RNF214: variants seen among roughly 807,000 people sequenced by gnomAD.
RNF214 encodes ring finger protein 214.
Under a neutral mutation model 75.9 loss-of-function variants are expected in RNF214, and 25 were observed. The observed-to-expected ratio is 0.33, with a 90% CI of 0.24 to 0.46. The LOEUF (loss-of-function observed/expected upper bound fraction) is 0.46, where lower values mean the gene tolerates loss of function less well. Among genes scored for constraint, RNF214 ranks in the 20% least tolerant of loss-of-function variants. The probability of loss-of-function intolerance (pLI) is 1.00; values close to 1 mark genes in which losing one functional copy is unlikely to be tolerated. For synonymous variants in RNF214, 314 were observed against 308.8 expected (o/e 1.02, Z -0.18); for missense variants, 725 against 857.5 (o/e 0.85, Z 1.93).
In RNF214 at chr11:117,282,140, G is replaced by A. The variant is rs763371632; in HGVS notation, c.1582G>A (p.Ala528Thr). Residue 528 changes from alanine (A) to threonine (T), a missense_variant, in exon 11 of 15, where the codon GCC becomes ACC. Ala to Thr is a moderately conservative substitution (Grantham distance 58). This residue lies in a region of RNF214 where 363 missense variants were observed against 513.0 expected (regional missense o/e 0.71). Coordinates refer to ENST00000300650, the MANE Select transcript of RNF214 (RefSeq NM_207343.4). ...CCCCCACGGTCCACACATGCCCCCT[G>A]CCGCCTCCATCCCACCTCCCCCAGG... ...VSPHGPHMPP[A>T]ASIPPPPGLG... 6 of 1,613,940 alleles carry A rather than the reference G, an allele frequency of 3.7e-6. No individual in the cohort carries two copies. In the Admixed American group the frequency reaches 1.0e-4, roughly 27 times the overall value.
In RNF214 at chr11:117,285,239, T is replaced by C. The variant is rs1173052326; in HGVS notation, c.*88T>C. 1.2e-6 allele frequency: 1 copy of C among 843,974 alleles called. No homozygotes were observed. The highest frequency in any genetic ancestry group is 1.7e-5 in the African/African-American group (1 of 59,470). The allele number at this position is 843,974 out of a possible 1,614,324, so 52.3% of individuals were successfully genotyped here. ...TTTCTAAAACTCTATATTTATACAG[T>C]GACATATACTCATGCCATGTACATT... On this transcript the variant is annotated 3_prime_UTR_variant, in exon 15 of 15. Transcript: ENST00000300650.
At position 117,252,069 on chromosome 11, in the gene RNF214, A is replaced by G. The variant is rs187606205; in HGVS notation, c.959+5121A>G. ...TTTTTAGTAGAGACGAGGTTTCACCATGTTGGCCAGGCTAGTCTTGAACAC... is the reference window on the plus strand; with the variant it reads ...TTTTTAGTAGAGACGAGGTTTCACCGTGTTGGCCAGGCTAGTCTTGAACAC... On this transcript the variant is annotated intron_variant, in intron 6 of 14. Coordinates refer to ENST00000300650, the MANE Select transcript of RNF214 (RefSeq NM_207343.4). Among the ~76,000 whole-genome samples the G allele has an allele frequency of 2.4e-4, 37 of 152,204 alleles. No individual in the cohort carries two copies. In the East Asian group the frequency reaches 7.0e-3, roughly 29 times the overall value.
At chr11:117,261,451 G>A (rs2033659980) in intron 6 of RNF214, among the ~76,000 whole-genome samples, 1 of 151,974 alleles carries the variant, frequency 6.6e-6, no homozygotes, top group African/African-American at 2.4e-5. Flanking sequence ...ATGGTGGCAG[G>A]CGCCTGTAAA....
In RNF214 at chr11:117,281,751, CAG is replaced by C. The variant is rs1008377960; in HGVS notation, c.1335+56_1335+57del. 46 of 1,513,406 alleles carry C rather than the reference CAG, an allele frequency of 3.0e-5. No individual in the cohort carries two copies. The African/African-American group carries it at 5.8e-4, about 19-fold the overall frequency. The allele number at this position is 1,513,406 out of a possible 1,614,324, so 93.7% of individuals were successfully genotyped here. On this transcript the variant is annotated intron_variant, in intron 10 of 14. Coordinates refer to ENST00000300650, the MANE Select transcript of RNF214 (RefSeq NM_207343.4). Reference sequence around the variant, plus strand: ...CACCTTTCTGTGTTGGTAGCAGCAGCAGAGTCTTCTGCGTGTTCTTTTTATGA... The same window carrying C: ...CACCTTTCTGTGTTGGTAGCAGCAGCAGTCTTCTGCGTGTTCTTTTTATGA...
chr11:117,253,036 A>G (rs960492395), intron 6 of RNF214, among the ~76,000 whole-genome samples: 2 of 152,218 alleles, frequency 1.3e-5, no homozygotes, highest in African/African-American at 4.8e-5. Context: ...TTTTAGAAAC[A>G]GGATCTCACT....
chr11:117,275,669 A>AC, intron 6 of RNF214, among the ~76,000 whole-genome samples: 1 of 152,166 alleles, frequency 6.6e-6, no homozygotes, highest in African/African-American at 2.4e-5. Flanking sequence ...GAAACACACA[A>AC]CCCCCCAAGC....
intron 6 of RNF214, among the ~76,000 whole-genome samples, chr11:117,248,313 T>C (rs192076621): frequency 0.013 from 1,962 of 152,308 alleles, 41 homozygotes; most frequent in African/African-American, 0.044. Context: ...CCTGACCTCA[T>C]GATCCGCCTG....
At position 117,277,798 on chromosome 11, in the gene RNF214, C is replaced by T. The variant is rs143770106; in HGVS notation, c.960-2110C>T. Among the ~76,000 whole-genome samples, 309 of 151,468 alleles carry T rather than the reference C, an allele frequency of 2.0e-3. 1 individual carries two copies. Among genetic ancestry groups the T allele is most frequent in the African/African-American group, 7.3e-3 (299 of 41,212 alleles). The stretch of plus-strand genomic sequence containing the variant: ...ACCAGCCTGGCCAACATGGCAAAAC[C>T]CCATCTCTACTAAAAATACAAAAAA... On this transcript the variant is annotated intron_variant, in intron 6 of 14. Coordinates refer to ENST00000300650, the MANE Select transcript of RNF214 (RefSeq NM_207343.4).
chr11:117,265,475 G>A (rs1438765493), intron 6 of RNF214, among the ~76,000 whole-genome samples: 5 of 151,878 alleles, frequency 3.3e-5, no homozygotes, highest in Admixed American at 1.3e-4. Flanking sequence ...GTGCAATGGC[G>A]TGATCTGGGC....
chr11:117,275,770 C>T (rs1265684092), intron 6 of RNF214, among the ~76,000 whole-genome samples: 1 of 152,142 alleles, frequency 6.6e-6, no homozygotes, highest in Non-Finnish European at 1.5e-5. Context: ...ACCAAGACAT[C>T]CCAGGTCCAG....
At position 117,254,175 on chromosome 11, in the gene RNF214, G is replaced by A. The variant is rs1175513404; in HGVS notation, c.959+7227G>A. On this transcript the variant is annotated intron_variant, in intron 6 of 14. Transcript: ENST00000300650. ...GAGACACAAGAATTGCTTAAACCCG[G>A]GAGGTGGAGGTTGCAGTGAGCTGAG... 2.0e-5 allele frequency among the ~76,000 whole-genome samples: 3 copies of A among 152,088 alleles called. No homozygotes were observed. In the East Asian group the frequency reaches 5.8e-4, roughly 29 times the overall value.
intron 6 of RNF214, among the ~76,000 whole-genome samples, chr11:117,267,520 T>A (rs2033820851): frequency 6.6e-6 from 1 of 151,842 alleles, no homozygotes; most frequent in Non-Finnish European, 1.5e-5. Context: ...GAGACCAGTT[T>A]GGGCAACATA....
intron 6 of RNF214, among the ~76,000 whole-genome samples, chr11:117,267,089 A>G (rs2033812631): frequency 6.6e-6 from 1 of 151,812 alleles, no homozygotes; most frequent in Non-Finnish European, 1.5e-5. Context: ...CAGTGCTCTC[A>G]TATCAGCCTC....
chr11:117,242,847 CTG>C (rs1261387351), intron 4 of RNF214, among the ~76,000 whole-genome samples: 1 of 152,190 alleles, frequency 6.6e-6, no homozygotes, highest in Non-Finnish European at 1.5e-5. Context: ...GAGTGAGACT[CTG>C]TCTCAGAAAA....
At chr11:117,240,907 G>A (rs112604557) in intron 4 of RNF214, among the ~76,000 whole-genome samples, 7 of 152,002 alleles carry the variant, frequency 4.6e-5, no homozygotes, top group African/African-American at 1.7e-4. Context: ...GACCAGCCAC[G>A]GTGGCTCACG....
At chr11:117,259,517 C>T (rs886902171) in intron 6 of RNF214, among the ~76,000 whole-genome samples, 1 of 152,100 alleles carries the variant, frequency 6.6e-6, no homozygotes, top group East Asian at 1.9e-4. Context: ...TTGCATATAC[C>T]ATTTTACACT....
chr11:117,278,604 G>A (rs1023204140), intron 6 of RNF214, among the ~76,000 whole-genome samples: 1 of 152,062 alleles, frequency 6.6e-6, no homozygotes, highest in Non-Finnish European at 1.5e-5. Context: ...CAGGAGAGTT[G>A]GTCACTGTCA....
In RNF214 at chr11:117,239,806, C is replaced by A; in HGVS notation, c.624C>A (p.Asp208Glu). Residue 208 changes from aspartate (D) to glutamate (E), a missense_variant, in exon 4 of 15, where the codon GAC becomes GAA. Around this residue, in one of 2 missense-constraint regions of RNF214, gnomAD observed 362 missense variants for 344.5 expected, o/e 1.05. Coordinates refer to ENST00000300650, the MANE Select transcript of RNF214 (RefSeq NM_207343.4). ...KLSQNIAVQT[D>E]FKTADSEVNT... Reference sequence around the variant, plus strand: ...ATAACTTTTTTCCTTTATAGACTGACTTTAAGACAGCTGATTCAGAGGTAA... The same window carrying A: ...ATAACTTTTTTCCTTTATAGACTGAATTTAAGACAGCTGATTCAGAGGTAA... 6.4e-7 allele frequency: 1 copy of A among 1,550,578 alleles called. No individual in the cohort carries two copies. The highest frequency in any genetic ancestry group is 8.9e-7 in the Non-Finnish European group (1 of 1,122,496).
intron 14 of RNF214, 47 bp from the exon 15 acceptor site, chr11:117,285,039 C>T (rs201887302): frequency 7.2e-7 from 1 of 1,398,188 alleles, no homozygotes; most frequent in Admixed American, 1.7e-5. Context: ...CCTTCCTTCC[C>T]TTTGTTTTTC....
Sources: gnomAD v4.1 joint callset for allele counts (sites outside exome capture counted in the v4.1 genomes callset) on GRCh38, gnomAD v4.1.1 for gene constraint, gnomAD v4.1.1 regional missense constraint, MANE v1.5 for transcripts, NCBI Gene and HGNC (gene_info 2026-07-23, HGNC 2026-07-21) for gene names.